Variants in OIT3 observed in about 807,000 individuals in gnomAD.
The protein encoded by OIT3 is oncoprotein induced transcript 3, also known as oncoprotein-induced transcript 3 protein.
A neutral mutation model predicts 52.2 loss-of-function variants in OIT3; 41 were observed. That is an observed-to-expected ratio of 0.79 (90% CI 0.61 to 1.02). OIT3 has a LOEUF of 1.02. Ranked by LOEUF, OIT3 falls within the 50% of genes least tolerant of loss-of-function variation. OIT3 has a pLI of 0.00. For synonymous variants in OIT3, 244 were observed against 276.9 expected (o/e 0.88, Z 1.18); for missense variants, 634 against 715.5 (o/e 0.89, Z 1.30).
chr10:72,896,148 A>G (rs1296269084), intron 1 of OIT3, among the ~76,000 whole-genome samples: 2 of 152,226 alleles, frequency 1.3e-5, no homozygotes, highest in Non-Finnish European at 2.9e-5. Context: ...AGCCCAAGAA[A>G]TGACATTTAA....
At chr10:72,920,810 T>C (rs1802323424) in intron 6 of OIT3, among the ~76,000 whole-genome samples, 1 of 152,230 alleles carries the variant, frequency 6.6e-6, no homozygotes, top group Non-Finnish European at 1.5e-5. Context: ...TGATTTCAGT[T>C]CTTTTGCATT....
intron 7 of OIT3, among the ~76,000 whole-genome samples, chr10:72,926,161 T>G (rs1421825563): frequency 6.6e-6 from 1 of 152,240 alleles, no homozygotes; most frequent in Non-Finnish European, 1.5e-5. Flanking sequence ...AATGGTCCAG[T>G]ACGAGCAGCT....
At chr10:72,930,411 A>G (rs564538006) in intron 7 of OIT3, 127 bp from the exon 8 acceptor site, 339 of 704,818 alleles carry the variant, frequency 4.8e-4, no homozygotes, top group Middle Eastern at 4.8e-4. Flanking sequence ...TTCATTCCCA[A>G]AAAGCTTGAG....
intron 6 of OIT3, among the ~76,000 whole-genome samples, chr10:72,920,791 A>C (rs1564595194): frequency 6.6e-6 from 1 of 152,164 alleles, no homozygotes; most frequent in African/African-American, 2.4e-5. Context: ...GTCATCTGAG[A>C]GCCTGTTATG....
At chr10:72,914,512 G>A (rs889801592) in intron 6 of OIT3, among the ~76,000 whole-genome samples, 3 of 152,196 alleles carry the variant, frequency 2.0e-5, no homozygotes, top group South Asian at 2.1e-4. Flanking sequence ...AGGAGCAGGC[G>A]GTCCCACTTG....
intron 1 of OIT3, among the ~76,000 whole-genome samples, chr10:72,897,116 C>T (rs757697616): frequency 4.6e-5 from 7 of 152,074 alleles, no homozygotes; most frequent in East Asian, 1.9e-4. Context: ...CTCCACCTTC[C>T]GGGTTCAAGC....
In OIT3 at chr10:72,893,822, C is replaced by T. The variant is rs1157525017; in HGVS notation, c.24C>T (p.Thr8=). ...GGATGCCTCCATTCCTGCTTCTCAC[C>T]TGCCTCTTCATCACAGGCACCTCCG... MPPFLLL[T]CLFITGTSVS... is the part of the protein sequence containing the mutation. Residue 8 remains threonine (T), a synonymous_variant, in exon 1 of 9, where the codon ACC becomes ACT. Transcript: ENST00000334011. 6.2e-7 allele frequency: 1 copy of T among 1,610,386 alleles called. No homozygotes were observed. The highest frequency in any genetic ancestry group is 8.5e-7 in the Non-Finnish European group (1 of 1,178,482).
At chr10:72,905,506 C>G (rs1188448074) in intron 3 of OIT3, among the ~76,000 whole-genome samples, 1 of 151,954 alleles carries the variant, frequency 6.6e-6, no homozygotes, top group Non-Finnish European at 1.5e-5. Flanking sequence ...TTGGAGGGGT[C>G]AAATATCCAA....
At chr10:72,919,547 C>T (rs1047833898) in intron 6 of OIT3, among the ~76,000 whole-genome samples, 2 of 152,080 alleles carry the variant, frequency 1.3e-5, no homozygotes, top group Admixed American at 6.6e-5. Flanking sequence ...GGAATGCTTC[C>T]AGCTTTTGCC....
intron 7 of OIT3, among the ~76,000 whole-genome samples, chr10:72,929,248 G>A (rs1278671627): frequency 1.3e-5 from 2 of 151,892 alleles, no homozygotes; most frequent in East Asian, 1.9e-4. Context: ...GAAGTGGCCT[G>A]TGCATGTGGA....
chr10:72,911,369 G>A (rs1191210386), intron 4 of OIT3, among the ~76,000 whole-genome samples: 1 of 152,120 alleles, frequency 6.6e-6, no homozygotes. Context: ...ATGTCAAATT[G>A]GGTAGATTAA....
chr10:72,905,772 C>T (rs1303534274), intron 3 of OIT3, among the ~76,000 whole-genome samples: 1 of 152,172 alleles, frequency 6.6e-6, no homozygotes, highest in Admixed American at 6.5e-5. Context: ...CCCTGGGCCA[C>T]TGGGCAAAGT....
intron 5 of OIT3, among the ~76,000 whole-genome samples, chr10:72,912,724 C>T (rs1162356481): frequency 6.6e-6 from 1 of 152,082 alleles, no homozygotes; most frequent in Non-Finnish European, 1.5e-5. Flanking sequence ...TTTCAGGATA[C>T]TTGCAGAGTC....
At chr10:72,905,668 A>G (rs1000686730) in intron 3 of OIT3, among the ~76,000 whole-genome samples, 1 of 152,172 alleles carries the variant, frequency 6.6e-6, no homozygotes, top group African/African-American at 2.4e-5. Flanking sequence ...GTAAAACCGT[A>G]CTTCAGCCAT....
chr10:72,906,815 G>A (rs1377177488), intron 4 of OIT3, 97 bp downstream of exon 4: 6 of 1,200,976 alleles, frequency 5.0e-6, no homozygotes, highest in Non-Finnish European at 6.8e-6. Flanking sequence ...TCCGAAGAGA[G>A]CAACCGTTTG....
At chr10:72,923,841 T>C (rs1846142442) in intron 6 of OIT3, among the ~76,000 whole-genome samples, 1 of 152,040 alleles carries the variant, frequency 6.6e-6, no homozygotes, top group African/African-American at 2.4e-5. Flanking sequence ...GGCTGAGTTG[T>C]CCAAACAACT....
At chr10:72,906,509 T>A in intron 3 of OIT3, 87 bp from the exon 4 acceptor site, 1 of 1,490,652 alleles carries the variant, frequency 6.7e-7, no homozygotes, top group Non-Finnish European at 9.3e-7. Flanking sequence ...CAACAGGATC[T>A]GAAAAGATGT....
chr10:72,898,741 G>A lies in OIT3; in HGVS notation c.139G>A (p.Gly47Ser). ...TGACCACCAGTTGGATGAGTCTCAA[G>A]GTCCTCCTCTATGTGACAACCATGT... is the stretch of plus-strand genomic sequence containing the variant. ...NTDHQLDESQGPPLCDNHVNG... is the reference protein window; with the variant it reads ...NTDHQLDESQSPPLCDNHVNG... Residue 47 changes from glycine to serine, a missense_variant, in exon 2 of 9, where the codon GGT (glycine) becomes AGT (serine). Transcript: ENST00000334011. 1.9e-6 allele frequency: 3 copies of A among 1,614,080 alleles called. No homozygotes were observed. Among genetic ancestry groups the A allele is most frequent in the Non-Finnish European group, 2.5e-6 (3 of 1,179,982 alleles).
chr10:72,907,700 T>C (rs2132932717), intron 4 of OIT3, among the ~76,000 whole-genome samples: 1 of 152,272 alleles, frequency 6.6e-6, no homozygotes, highest in Middle Eastern at 3.4e-3. Flanking sequence ...CCTCCCCATA[T>C]GCTTTGTGTT....
Sources: gnomAD v4.1 joint callset for allele counts (sites outside exome capture counted in the v4.1 genomes callset) on GRCh38, gnomAD v4.1.1 for gene constraint, MANE v1.5 for transcripts, NCBI Gene and HGNC (gene_info 2026-07-23, HGNC 2026-07-21) for gene names.